KSR1: variants seen among roughly 807,000 people sequenced by gnomAD.
The protein encoded by KSR1 is kinase suppressor of ras.
A neutral mutation model predicts 92.9 loss-of-function variants in KSR1; 35 were observed. The ratio of observed to expected loss-of-function variants is 0.38; its 90% CI spans 0.29 to 0.50. The LOEUF is 0.50. KSR1 is among the 20% of genes least tolerant of loss of function. The pLI is 0.94. For synonymous variants in KSR1, 467 were observed against 472.6 expected (o/e 0.99, Z 0.15); for missense variants, 972 against 1,158.5 (o/e 0.84, Z 2.34).
chr17:27,607,266 C>G (rs371411216), intron 14 of KSR1, among the ~76,000 whole-genome samples: 52 of 152,262 alleles, frequency 3.4e-4, no homozygotes, highest in African/African-American at 1.2e-3. Flanking sequence ...CTCTGAGACT[C>G]CAAGAATATT....
chr17:27,546,074 A>G (rs2071161624), intron 1 of KSR1, among the ~76,000 whole-genome samples: 1 of 152,168 alleles, frequency 6.6e-6, no homozygotes, highest in South Asian at 2.1e-4. Context: ...CAGCTGTTTG[A>G]TTTATAGTCC....
intron 1 of KSR1, among the ~76,000 whole-genome samples, chr17:27,507,311 T>C (rs1228735559): frequency 1.3e-5 from 2 of 151,864 alleles, no homozygotes. Context: ...CAGGGGCCTG[T>C]AATCCCAGCT....
intron 2 of KSR1, among the ~76,000 whole-genome samples, chr17:27,560,041 G>A (rs2071759193): frequency 6.6e-6 from 1 of 152,236 alleles, no homozygotes; most frequent in South Asian, 2.1e-4. Flanking sequence ...GAGAGTGACG[G>A]GGTGAGGAGC....
intron 9 of KSR1, among the ~76,000 whole-genome samples, chr17:27,594,545 C>A (rs1343365433): frequency 2.0e-5 from 3 of 152,170 alleles, no homozygotes; most frequent in Non-Finnish European, 4.4e-5. Context: ...CCTGCGTGCA[C>A]CTGCTCGACC....
At chr17:27,494,426 A>C (rs540178791) in intron 1 of KSR1, among the ~76,000 whole-genome samples, 2 of 152,268 alleles carry the variant, frequency 1.3e-5, no homozygotes, top group East Asian at 3.9e-4. Context: ...CTTGCCTCTG[A>C]GTGAGATTAA....
chr17:27,618,665 GACTT>G (rs1483696417), intron 19 of KSR1, among the ~76,000 whole-genome samples: 1 of 152,206 alleles, frequency 6.6e-6, no homozygotes, highest in Admixed American at 6.5e-5. Context: ...GTGCCAGTAA[GACTT>G]AATGCTGGAA....
At chr17:27,587,601 T>TAA (rs2073015508) in intron 5 of KSR1, 1 of 152,218 alleles carries the variant, frequency 6.6e-6, no homozygotes, top group Non-Finnish European at 1.5e-5. Context: ...ACTGAACCAG[T>TAA]CCAGAGGGTT....
intron 1 of KSR1, chr17:27,526,844 G>A (rs2070323462): frequency 2.8e-6 from 2 of 719,588 alleles, no homozygotes; most frequent in Non-Finnish European, 4.9e-6. Context: ...GGGGAGGGGT[G>A]GAAGGAGTGC....
intron 1 of KSR1, 69 bp downstream of exon 1, chr17:27,456,943 T>C (rs558232813): frequency 2.7e-6 from 2 of 732,398 alleles, no homozygotes; most frequent in South Asian, 2.8e-5. Flanking sequence ...GCCCCAGTAC[T>C]CCTGGCCGAG....
intron 9 of KSR1, among the ~76,000 whole-genome samples, chr17:27,595,350 G>T (rs2151202025): frequency 6.6e-6 from 1 of 152,334 alleles, no homozygotes; most frequent in Non-Finnish European, 1.5e-5. Context: ...AAAGAATGTG[G>T]AACAAACATG....
chr17:27,622,125 G>C, intron 20 of KSR1: 1 of 621,438 alleles, frequency 1.6e-6, no homozygotes, highest in Non-Finnish European at 2.9e-6. Context: ...CCCTCTCCAC[G>C]TGGCCTGCAT....
At chr17:27,543,205 A>G (rs760617235) in intron 1 of KSR1, among the ~76,000 whole-genome samples, 2 of 152,192 alleles carry the variant, frequency 1.3e-5, no homozygotes, top group Non-Finnish European at 2.9e-5. Flanking sequence ...CAAGGCAGCT[A>G]TTGCTCCAGC....
At chr17:27,607,287 CAT>C (rs2073784808) in intron 14 of KSR1, among the ~76,000 whole-genome samples, 1 of 152,164 alleles carries the variant, frequency 6.6e-6, no homozygotes, top group Non-Finnish European at 1.5e-5. Context: ...TTCCTAAAAA[CAT>C]AGTCCCTTCC....
chr17:27,467,448 T>G (rs1792799365), intron 1 of KSR1, among the ~76,000 whole-genome samples: 1 of 152,244 alleles, frequency 6.6e-6, no homozygotes, highest in Non-Finnish European at 1.5e-5. Context: ...TATAAATTGA[T>G]TCTCCCTGGT....
At chr17:27,608,405 T>C (rs1244613864) in intron 15 of KSR1, among the ~76,000 whole-genome samples, 1 of 152,174 alleles carries the variant, frequency 6.6e-6, no homozygotes, top group Admixed American at 6.5e-5. Context: ...AAAAACGCGA[T>C]AATCCATGCT....
At position 27,517,551 on chromosome 17, in the gene KSR1, C is replaced by T. The variant is rs549083477; in HGVS notation, c.232-33017C>T. Among the ~76,000 whole-genome samples, 280 of 152,312 alleles carry T rather than the reference C, an allele frequency of 1.8e-3. 4 individuals carry two copies. Among genetic ancestry groups the T allele is most frequent in the African/African-American group, 6.1e-3 (254 of 41,556 alleles). On this transcript the variant is annotated intron_variant, in intron 1 of 20. Transcript: ENST00000644974. Reference sequence around the variant, plus strand: ...GCTCAAGCAATCCGCCCACCTTGGCCTCCCAAAATGATGGGATTACAGGCT... The same window carrying T: ...GCTCAAGCAATCCGCCCACCTTGGCTTCCCAAAATGATGGGATTACAGGCT...
chr17:27,539,796 A>G (rs116271997), intron 1 of KSR1, among the ~76,000 whole-genome samples: 1,944 of 152,354 alleles, frequency 0.013, 42 homozygotes, highest in African/African-American at 0.043. Context: ...CAGGAAGGAA[A>G]ACTTGAAAGG....
At chr17:27,475,868 A>G (rs777764079) in intron 1 of KSR1, among the ~76,000 whole-genome samples, 2 of 152,206 alleles carry the variant, frequency 1.3e-5, no homozygotes, top group East Asian at 1.9e-4. Flanking sequence ...GAGCATATTC[A>G]TACTGTTACA....
chr17:27,486,342 G>C (rs1176110946), intron 1 of KSR1, among the ~76,000 whole-genome samples: 1 of 152,216 alleles, frequency 6.6e-6, no homozygotes, highest in Non-Finnish European at 1.5e-5. Context: ...TGGTGAGTCT[G>C]GTGCCTGGTT....
Sources: allele counts gnomAD v4.1 joint callset (sites outside exome capture counted in the v4.1 genomes callset), GRCh38; gene constraint gnomAD v4.1.1; transcripts MANE v1.5; gene names NCBI Gene and HGNC (gene_info 2026-07-23, HGNC 2026-07-21).